TCERG1L: variants seen among roughly 807,000 people sequenced by gnomAD.
The protein encoded by TCERG1L is transcription elongation regulator 1 like, also known as transcription elongation regulator 1-like protein.
In TCERG1L, 37 loss-of-function variants were observed where a neutral mutation model predicts 56.3. The ratio of observed to expected loss-of-function variants is 0.66; its 90% CI spans 0.51 to 0.87. The LOEUF (loss-of-function observed/expected upper bound fraction) is 0.87. Ranked by LOEUF, TCERG1L falls within the 40% of genes least tolerant of loss-of-function variation. The pLI, the probability that TCERG1L is intolerant of heterozygous loss-of-function variation, is 0.00. For missense variants in TCERG1L, 799 were observed against 774.2 expected, an observed-to-expected ratio of 1.03 and a Z score of -0.38; for synonymous variants, 324 against 326.3, an observed-to-expected ratio of 0.99 and a Z score of 0.08.
rs1419460604 is a variant in TCERG1L, at chr10:131,196,001, T to A, written c.857-29116A>T. 5.3e-5 allele frequency among the ~76,000 whole-genome samples: 8 copies of A among 152,278 alleles called. No homozygotes were observed. In the South Asian group the frequency reaches 6.2e-4, roughly 12 times the overall value. On this transcript the variant is annotated intron_variant, in intron 4 of 11. Coordinates refer to ENST00000368642, the MANE Select transcript of TCERG1L (RefSeq NM_174937.4). Reference sequence around the variant, plus strand: ...TGGCACTGAGTGGACACGCAGAAAATCTGTGAGTGACACACACTGGCTGGT... The same window carrying A: ...TGGCACTGAGTGGACACGCAGAAAAACTGTGAGTGACACACACTGGCTGGT...
At chr10:131,156,996 T>C (rs541253631) in intron 6 of TCERG1L, among the ~76,000 whole-genome samples, 1 of 152,326 alleles carries the variant, frequency 6.6e-6, no homozygotes, top group South Asian at 2.1e-4. Flanking sequence ...TGGTGTCTGC[T>C]CATAGCTCTT....
chr10:131,106,680 G>A (rs1845354340), intron 9 of TCERG1L, among the ~76,000 whole-genome samples: 1 of 152,106 alleles, frequency 6.6e-6, no homozygotes, highest in African/African-American at 2.4e-5. Context: ...TTTGAGGAAG[G>A]CCACCCTGGG....
Position 131,107,504 on chromosome 10 carries a change from G to A in TCERG1L, c.1396-3150C>T, listed in dbSNP as rs541550049. Reference sequence around the variant, plus strand: ...GGTGAGAGCACAGTGGCTGGGACCCGGGATGGAGGTGGGGGCTGAAGTGAA... The same window carrying A: ...GGTGAGAGCACAGTGGCTGGGACCCAGGATGGAGGTGGGGGCTGAAGTGAA... On this transcript the variant is annotated intron_variant, in intron 9 of 11. Transcript: ENST00000368642. 5.8e-3 allele frequency among the ~76,000 whole-genome samples: 882 copies of A among 152,218 alleles called. 2 individuals are homozygous for A. The highest frequency in any genetic ancestry group is 0.024 in the Middle Eastern group (7 of 292).
At chr10:131,309,368 T>C in intron 1 of TCERG1L, 69 bp from the exon 2 acceptor site, 14 of 1,535,584 alleles carry the variant, frequency 9.1e-6, no homozygotes, top group Non-Finnish European at 1.2e-5. Context: ...TGCCAAAACA[T>C]GCTGGAATAA....
intron 7 of TCERG1L, among the ~76,000 whole-genome samples, chr10:131,141,361 C>T (rs1312956363): frequency 6.6e-6 from 1 of 152,006 alleles, no homozygotes; most frequent in Non-Finnish European, 1.5e-5. Context: ...CCCTCCCTGC[C>T]TCCTGGGGTC....
At position 131,115,516 on chromosome 10, in the gene TCERG1L, C is replaced by T. The variant is rs536568161; in HGVS notation, c.1395+1283G>A. On this transcript the variant is annotated intron_variant, in intron 9 of 11. Coordinates refer to ENST00000368642, the MANE Select transcript of TCERG1L (RefSeq NM_174937.4). ...ATCGCGCCAGGGCCGGATCCACACG[C>T]GCGCGTCCACGTCGCGCTCTGTGCC... Among the ~76,000 whole-genome samples the T allele has an allele frequency of 5.9e-5, 9 of 152,268 alleles. No individual in the cohort carries two copies. The East Asian group carries it at 9.6e-4, about 16-fold the overall frequency.
intron 9 of TCERG1L, among the ~76,000 whole-genome samples, chr10:131,104,603 T>A (rs1011800387): frequency 1.3e-5 from 2 of 152,144 alleles, no homozygotes; most frequent in Non-Finnish European, 2.9e-5. Context: ...CAGGGGTGTG[T>A]CCCCCGATCT....
intron 4 of TCERG1L, among the ~76,000 whole-genome samples, chr10:131,241,787 C>A (rs1845976791): frequency 6.6e-6 from 1 of 151,636 alleles, no homozygotes; most frequent in African/African-American, 2.4e-5. Context: ...GTTGAAAATG[C>A]CCATGGAGGT....
intron 4 of TCERG1L, among the ~76,000 whole-genome samples, chr10:131,231,611 G>A (rs920766706): frequency 1.3e-5 from 2 of 152,140 alleles, no homozygotes; most frequent in African/African-American, 2.4e-5. Flanking sequence ...CCAGCACATC[G>A]TGAGGTCTGC....
intron 4 of TCERG1L, among the ~76,000 whole-genome samples, chr10:131,172,764 T>C (rs1408705598): frequency 6.6e-6 from 1 of 152,212 alleles, no homozygotes; most frequent in Non-Finnish European, 1.5e-5. Flanking sequence ...CGGGAGTCAC[T>C]GGAGCCCTGT....
At chr10:131,182,114 G>A (rs1262854826) in intron 4 of TCERG1L, among the ~76,000 whole-genome samples, 2 of 152,192 alleles carry the variant, frequency 1.3e-5, no homozygotes, top group Non-Finnish European at 2.9e-5. Context: ...GTGCATGGGT[G>A]TGTGTGCACA....
chr10:131,178,074 G>A (rs575558920), intron 4 of TCERG1L, among the ~76,000 whole-genome samples: 50 of 152,208 alleles, frequency 3.3e-4, no homozygotes, highest in African/African-American at 1.2e-3. Flanking sequence ...TCAGGAGTGG[G>A]GGGAGCCTGC....
chr10:131,296,405 C>A (rs985197479), intron 3 of TCERG1L, among the ~76,000 whole-genome samples: 1 of 151,976 alleles, frequency 6.6e-6, no homozygotes, highest in Non-Finnish European at 1.5e-5. Context: ...TTCTTTGTAC[C>A]CTTGTAATAA....
chr10:131,308,525 C>T, intron 2 of TCERG1L, 134 bp from the exon 3 acceptor site: 1 of 735,006 alleles, frequency 1.4e-6, no homozygotes, highest in Non-Finnish European at 2.2e-6. Flanking sequence ...TCTATAAAAC[C>T]ATCATTCTAA....
chr10:131,209,036 T>A (rs1370252158), intron 4 of TCERG1L, among the ~76,000 whole-genome samples: 1 of 131,644 alleles, frequency 7.6e-6, no homozygotes, highest in Admixed American at 8.8e-5. Flanking sequence ...CCAGCCTGGG[T>A]GACAGAGCGA....
At chr10:131,253,895 A>C (rs969124363) in intron 4 of TCERG1L, among the ~76,000 whole-genome samples, 4 of 152,196 alleles carry the variant, frequency 2.6e-5, no homozygotes, top group African/African-American at 9.7e-5. Context: ...GTGACATGCC[A>C]GTGGGGGAGA....
chr10:131,127,263 C>T (rs1025748130), intron 8 of TCERG1L, among the ~76,000 whole-genome samples: 4 of 152,192 alleles, frequency 2.6e-5, no homozygotes, highest in Non-Finnish European at 4.4e-5. Flanking sequence ...GAGTGAAGAA[C>T]CCCACAGGAG....
chr10:131,233,774 G>C (rs10829954), intron 4 of TCERG1L, among the ~76,000 whole-genome samples: 17,113 of 152,164 alleles, frequency 0.11, 1,492 homozygotes, highest in East Asian at 0.48. Context: ...CCACCAAAAC[G>C]CATGATGAAA....
At chr10:131,303,411 G>A (rs1439435516) in intron 3 of TCERG1L, among the ~76,000 whole-genome samples, 1 of 151,996 alleles carries the variant, frequency 6.6e-6, no homozygotes, top group African/African-American at 2.4e-5. Flanking sequence ...TTTGTTGGCT[G>A]CATAAATGTC....
Sources: gnomAD v4.1 joint callset for allele counts (sites outside exome capture counted in the v4.1 genomes callset) on GRCh38, gnomAD v4.1.1 for gene constraint, MANE v1.5 for transcripts, NCBI Gene and HGNC (gene_info 2026-07-23, HGNC 2026-07-21) for gene names.